The following LSP1 variants were observed in gnomAD, a reference collection of about 807,000 sequenced individuals.
LSP1 encodes lymphocyte-specific protein 1.
Under a neutral mutation model 49.3 loss-of-function variants are expected in LSP1, and 32 were observed. That is an observed-to-expected ratio of 0.65 (90% confidence interval 0.49 to 0.87). LSP1 has a LOEUF of 0.87. LSP1 is among the 40% of genes least tolerant of loss of function. LSP1 has a pLI of 0.00. For missense variants in LSP1, 428 were observed against 442.6 expected (o/e 0.97, Z 0.30); for synonymous variants, 179 against 178.8 (o/e 1.00, Z -0.01).
Position 1,884,708 on chromosome 11 carries a change from T to C in LSP1, c.717+127T>C, listed in dbSNP as rs1565087916. On this transcript the variant is annotated intron_variant, in intron 7 of 10. Transcript: ENST00000311604. The surrounding 1 kb of genome is among the most constrained non-coding windows in gnomAD (Gnocchi z 4.1). ...ACCAACACCCTATCCAACCAATGCTTCTCCATCCAGTCAGTGCCCCTCTAC... is the reference window on the plus strand; with the variant it reads ...ACCAACACCCTATCCAACCAATGCTCCTCCATCCAGTCAGTGCCCCTCTAC... 2.7e-6 allele frequency: 2 copies of C among 737,618 alleles called. No individual in the cohort carries two copies. Among genetic ancestry groups the C allele is most frequent in the Non-Finnish European group, 4.6e-6 (2 of 433,478 alleles). The allele number at this position is 737,618 out of a possible 1,614,324, so 45.7% of individuals were successfully genotyped here.
intron 1 of LSP1, among the ~76,000 whole-genome samples, chr11:1,878,669 T>A (rs5013907): frequency 0.13 from 19,607 of 151,992 alleles, 1,338 homozygotes; most frequent in African/African-American, 0.18. Flanking sequence ...TGGGGCCCAG[T>A]GGGGATCAGG....
rs1284392290 is a variant in LSP1, at chr11:1,886,773, A to T, written c.759A>T (p.Ile253=). 1 of 1,611,792 alleles carries T rather than the reference A, an allele frequency of 6.2e-7. No individual in the cohort carries two copies. Among genetic ancestry groups the T allele is most frequent in the Admixed American group, 1.7e-5 (1 of 60,018 alleles). The change falls in exon 8 of 11, where the codon ATA becomes ATT. Residue 253 remains isoleucine (I), a synonymous_variant. Transcript: ENST00000311604. ...RTPKLARQAS[I]ELPSMAVAST... is the part of the protein sequence containing the mutation. ...CCAAGCTAGCCCGCCAGGCCTCCATAGAGCTGCCCAGCATGGCTGTGGCCA... is the reference window on the plus strand; with the variant it reads ...CCAAGCTAGCCCGCCAGGCCTCCATTGAGCTGCCCAGCATGGCTGTGGCCA...
chr11:1,868,389 A>G (rs1259732562), intron 1 of LSP1, among the ~76,000 whole-genome samples: 1 of 152,196 alleles, frequency 6.6e-6, no homozygotes, highest in African/African-American at 2.4e-5. Context: ...CATCTCGGGC[A>G]CACATCTGCC....
intron 4 of LSP1, 138 bp from the exon 5 acceptor site, chr11:1,883,794 G>C: frequency 1.1e-6 from 1 of 926,622 alleles, no homozygotes; most frequent in South Asian, 1.6e-5. Context: ...CTCCCCACCA[G>C]CTCCAGAACT....
At chr11:1,858,164 G>A (rs912080799) in intron 1 of LSP1, among the ~76,000 whole-genome samples, 13 of 152,226 alleles carry the variant, frequency 8.5e-5, no homozygotes, top group African/African-American at 2.9e-4. Context: ...CAGGGGCCAA[G>A]TGCATTGTCC....
At chr11:1,889,202 C>A in intron 10 of LSP1, 1 of 677,456 alleles carries the variant, frequency 1.5e-6, no homozygotes, top group South Asian at 1.6e-5. Flanking sequence ...GGGGGCTCAG[C>A]TCCAGGATGG....
At chr11:1,868,794 AGGACGGC>A (rs375632184) in intron 1 of LSP1, 2 of 985,754 alleles carry the variant, frequency 2.0e-6, no homozygotes, top group African/African-American at 1.7e-5. Flanking sequence ...CAGAGCCCAG[AGGACGGC>A]GGTTCAGGCT....
intron 1 of LSP1, among the ~76,000 whole-genome samples, chr11:1,873,536 G>T (rs1589818097): frequency 6.6e-6 from 1 of 151,202 alleles, no homozygotes; most frequent in East Asian, 2.0e-4. Flanking sequence ...AAGGAGGGGA[G>T]GAAAGGAGGG....
intron 10 of LSP1, chr11:1,889,151 GA>G: frequency 1.5e-6 from 1 of 657,698 alleles, no homozygotes. Context: ...CACTTCACTG[GA>G]GCCTCCAGCC....
chr11:1,862,764 C>T (rs74655838), intron 1 of LSP1, among the ~76,000 whole-genome samples: 20 of 135,190 alleles, frequency 1.5e-4, no homozygotes, highest in African/African-American at 4.2e-4. Flanking sequence ...TAGGTAATCT[C>T]GCCTCCCCTG....
intron 1 of LSP1, among the ~76,000 whole-genome samples, chr11:1,862,615 C>A (rs918002337): frequency 6.6e-6 from 1 of 152,032 alleles, no homozygotes; most frequent in Non-Finnish European, 1.5e-5. Flanking sequence ...GGTGATCTGT[C>A]CTCCCTGAGT....
At chr11:1,873,813 A>G (rs112640876) in intron 1 of LSP1, among the ~76,000 whole-genome samples, 25,643 of 99,710 alleles carry the variant, frequency 0.26, 3,971 homozygotes, top group South Asian at 0.37. Context: ...CAGGGAGCCC[A>G]GCAGAGGAGG....
At chr11:1,889,174 G>T in intron 10 of LSP1, 1 of 674,762 alleles carries the variant, frequency 1.5e-6, no homozygotes, top group Non-Finnish European at 2.8e-6. Flanking sequence ...GTCGCTGTGC[G>T]GTTGAAGTTC....
chr11:1,890,656 C>T, intron 10 of LSP1: 1 of 656,210 alleles, frequency 1.5e-6, no homozygotes, highest in South Asian at 1.6e-5. Context: ...AGGCCTGTGT[C>T]TCCTGTGGTC....
At chr11:1,887,427 T>G in intron 9 of LSP1, 47 bp from the exon 10 acceptor site, 6 of 1,578,394 alleles carry the variant, frequency 3.8e-6, no homozygotes, top group Non-Finnish European at 5.2e-6. Context: ...CAGCATCATC[T>G]CCTTTCTGCT....
In LSP1 at chr11:1,870,358, T is replaced by C. The variant is rs1394095202; in HGVS notation, c.54-9729T>C. The C allele has an allele frequency of 5.5e-6, 7 of 1,267,170 alleles. No individual in the cohort carries two copies. The African/African-American group carries it at 9.2e-5, about 17-fold the overall frequency. The allele number at this position is 1,267,170 out of a possible 1,614,324, so 78.5% of individuals were successfully genotyped here. On this transcript the variant is annotated intron_variant, in intron 1 of 10. Coordinates refer to ENST00000311604, the MANE Select transcript of LSP1 (RefSeq NM_002339.3). ...ACCCGGGGACATACACCGGGGAGTC[T>C]CCTGGGAAAGAAGTGCCGGCCCAGG...
chr11:1,866,748 C>T, intron 1 of LSP1: 1 of 1,550,554 alleles, frequency 6.4e-7, no homozygotes, highest in Non-Finnish European at 8.7e-7. Flanking sequence ...GTCAATCCCC[C>T]AGGCTCACCA....
At position 1,853,869 on chromosome 11, in the gene LSP1, G is replaced by A. The variant is rs565251455; in HGVS notation, c.53+672G>A. Among the ~76,000 whole-genome samples, 367 of 152,296 alleles carry A rather than the reference G, an allele frequency of 2.4e-3. 2 individuals carry two copies. Among genetic ancestry groups the A allele is most frequent in the African/African-American group, 8.5e-3 (354 of 41,558 alleles). ...TGCCAGAGCTGGGCAGAAAAACCCC[G>A]CTGCCAAAGGCCTCCTAGCGGGCAG... On this transcript the variant is annotated intron_variant, in intron 1 of 10. Coordinates refer to ENST00000311604, the MANE Select transcript of LSP1 (RefSeq NM_002339.3).
chr11:1,881,453 G>A lies in LSP1; in HGVS notation c.213G>A (p.Glu71=). 6.3e-7 allele frequency: 1 copy of A among 1,578,382 alleles called. No individual in the cohort carries two copies. The highest frequency in any genetic ancestry group is 1.2e-5 in the South Asian group (1 of 86,178). The change falls in exon 3 of 11, where the codon GAG becomes GAA. Residue 71 remains glutamate, a synonymous_variant. Transcript: ENST00000311604. The part of the protein sequence containing the change: ...QEMLLSLKPS[E]APELDEDEGF... ...TCAGCCTCAGCCTGAAGCCCTCGGA[G>A]GCCCCTGAACTGGATGAGGACGAGG...
Sources: allele counts gnomAD v4.1 joint callset (sites outside exome capture counted in the v4.1 genomes callset), GRCh38; gene constraint gnomAD v4.1.1; non-coding constraint Gnocchi (gnomAD v3.1); transcripts MANE v1.5; gene names NCBI Gene and HGNC (gene_info 2026-07-23, HGNC 2026-07-21).